The following RCOR1 variants were observed in gnomAD, a reference collection of about 807,000 sequenced individuals.
RCOR1 encodes the protein REST corepressor 1, also known as REST corepressor.
In RCOR1, 12 loss-of-function variants were observed where a neutral mutation model predicts 64.0. That is an observed-to-expected ratio of 0.19 (90% CI 0.12 to 0.30). The LOEUF is 0.30. Among genes scored for constraint, RCOR1 ranks in the 10% least tolerant of loss-of-function variants. The probability of loss-of-function intolerance (pLI) is 1.00; values close to 1 mark genes in which losing one functional copy is unlikely to be tolerated. For synonymous variants in RCOR1, 279 were observed against 227.2 expected (o/e 1.23, Z -2.05); for missense variants, 502 against 621.2 (o/e 0.81, Z 2.04).
Position 102,592,858 on chromosome 14 carries a change from C to A in RCOR1, c.-29C>A. 8.5e-7 allele frequency: 1 copy of A among 1,183,052 alleles called. No individual in the cohort carries two copies. The highest frequency in any genetic ancestry group is 1.0e-6 in the Non-Finnish European group (1 of 959,010). 73.3% of individuals were successfully genotyped at this position (1,183,052 alleles called of 1,614,324 possible). On this transcript the variant is annotated 5_prime_UTR_variant, in exon 1 of 12. Coordinates refer to ENST00000262241, the MANE Select transcript of RCOR1 (RefSeq NM_015156.4). ...CCTCCTCAGGAGCCGCGGGTCCCCGCCACTTTCGCACGGCCCCGGCCCCCG... is the reference window on the plus strand; with the variant it reads ...CCTCCTCAGGAGCCGCGGGTCCCCGACACTTTCGCACGGCCCCGGCCCCCG...
chr14:102,681,897 A>G lies in RCOR1; in HGVS notation c.364A>G (p.Lys122Glu). 6.2e-7 allele frequency: 1 copy of G among 1,612,790 alleles called. No homozygotes were observed. The highest frequency in any genetic ancestry group is 1.1e-5 in the South Asian group (1 of 90,920). Reference sequence around the variant, plus strand: ...TTTTCTTTTTTCTTTCTCCCAAGCCAAACTGGCAAGACGCAGTCAAGAACG... The same window carrying G: ...TTTTCTTTTTTCTTTCTCCCAAGCCGAACTGGCAAGACGCAGTCAAGAACG... ...QAVVPDFDPA[K>E]LARRSQERDN... The change falls in exon 3 of 12, where the codon AAA becomes GAA. Residue 122 changes from lysine (K) to glutamate (E), a missense_variant and splice_region_variant. This residue lies in a region of RCOR1 where 242 missense variants were observed against 204.9 expected (regional missense o/e 1.18). Transcript: ENST00000262241.
At chr14:102,598,937 A>G (rs780888493) in intron 2 of RCOR1, among the ~76,000 whole-genome samples, 2 of 151,682 alleles carry the variant, frequency 1.3e-5, no homozygotes, top group Non-Finnish European at 2.9e-5. Context: ...TTGTTCTTAC[A>G]TGTGTTGTCC....
intron 2 of RCOR1, among the ~76,000 whole-genome samples, chr14:102,620,269 T>C (rs1460200686): frequency 6.6e-6 from 1 of 150,692 alleles, no homozygotes; most frequent in African/African-American, 2.4e-5. Flanking sequence ...ACACCCACCA[T>C]GAAAAAAATT....
In RCOR1 at chr14:102,701,392, T is replaced by C. The variant is rs1227230720; in HGVS notation, c.498+62T>C. 37 of 1,296,092 alleles carry C rather than the reference T, an allele frequency of 2.9e-5. 1 individual carries two copies. In the South Asian group the frequency reaches 3.5e-4, roughly 12 times the overall value. The allele number at this position is 1,296,092 out of a possible 1,614,324, so 80.3% of individuals were successfully genotyped here. A position where few individuals can be genotyped will look rare whatever the true frequency, so the allele number is the denominator to read the frequency against. On this transcript the variant is annotated intron_variant, in intron 4 of 11. Coordinates refer to ENST00000262241, the MANE Select transcript of RCOR1 (RefSeq NM_015156.4). ...ATGAGTATTTGTAACTAAATAATTATATTTTTTTCTTCTTTGTATTGAGTA... is the reference window on the plus strand; with the variant it reads ...ATGAGTATTTGTAACTAAATAATTACATTTTTTTCTTCTTTGTATTGAGTA...
intron 2 of RCOR1, among the ~76,000 whole-genome samples, chr14:102,626,476 C>T (rs575641770): frequency 6.6e-6 from 1 of 152,326 alleles, no homozygotes; most frequent in South Asian, 2.1e-4. Flanking sequence ...AATCATGGCA[C>T]CTCTCAGAAT....
intron 2 of RCOR1, among the ~76,000 whole-genome samples, chr14:102,628,381 A>G (rs768136945): frequency 3.3e-5 from 5 of 152,144 alleles, no homozygotes; most frequent in Non-Finnish European, 7.4e-5. Flanking sequence ...TTCACTTGAC[A>G]TTTAGAACAG....
chr14:102,654,925 C>T (rs910207135), intron 2 of RCOR1, among the ~76,000 whole-genome samples: 1 of 150,584 alleles, frequency 6.6e-6, no homozygotes. Flanking sequence ...CCTCCTGTCT[C>T]AGTCTCCCAA....
chr14:102,614,934 C>T (rs2403069), intron 2 of RCOR1, among the ~76,000 whole-genome samples: 97,140 of 150,666 alleles, frequency 0.64, 32,158 homozygotes, highest in South Asian at 0.73. Flanking sequence ...CGGGTTCATA[C>T]CATTCTCCTG....
chr14:102,641,765 T>G (rs1041979701), intron 2 of RCOR1, among the ~76,000 whole-genome samples: 2 of 152,234 alleles, frequency 1.3e-5, no homozygotes, highest in Admixed American at 6.5e-5. Flanking sequence ...CTAACATGTA[T>G]GCTTCAAGAA....
chr14:102,685,659 A>G (rs569475809), intron 3 of RCOR1, among the ~76,000 whole-genome samples: 2 of 152,176 alleles, frequency 1.3e-5, no homozygotes, highest in South Asian at 2.1e-4. Context: ...TGAATTGTAC[A>G]TTTCAGAATA....
At chr14:102,684,365 G>A (rs1439404128) in intron 3 of RCOR1, among the ~76,000 whole-genome samples, 1 of 152,198 alleles carries the variant, frequency 6.6e-6, no homozygotes, top group Non-Finnish European at 1.5e-5. Flanking sequence ...TAGGGTGGAA[G>A]GGCCTTGGGG....
At chr14:102,654,819 C>CT (rs146480116) in intron 2 of RCOR1, among the ~76,000 whole-genome samples, 17,983 of 114,964 alleles carry the variant, frequency 0.16, 1,642 homozygotes, top group African/African-American at 0.27. Context: ...TGTTCTTTTC[C>CT]TTTTTTTTTG....
At chr14:102,642,161 T>C (rs910748118) in intron 2 of RCOR1, among the ~76,000 whole-genome samples, 1 of 152,186 alleles carries the variant, frequency 6.6e-6, no homozygotes, top group Non-Finnish European at 1.5e-5. Flanking sequence ...CAGCTGCGTC[T>C]GTGTCCATTG....
intron 2 of RCOR1, chr14:102,651,124 A>G: frequency 3.1e-6 from 3 of 978,550 alleles, no homozygotes; most frequent in Non-Finnish European, 3.6e-6. Flanking sequence ...TGCTGAGACC[A>G]GCTCGGTCGG....
At chr14:102,689,769 A>G (rs1895495420) in intron 3 of RCOR1, among the ~76,000 whole-genome samples, 1 of 152,196 alleles carries the variant, frequency 6.6e-6, no homozygotes, top group Non-Finnish European at 1.5e-5. Context: ...TTTGAGACAG[A>G]GTCTCGCACT....
intron 4 of RCOR1, among the ~76,000 whole-genome samples, chr14:102,704,959 T>TA (rs201884750): frequency 0.019 from 2,862 of 151,908 alleles, 38 homozygotes; most frequent in African/African-American, 0.026. Flanking sequence ...ACCTCATCTC[T>TA]AAAAAAAAGT....
chr14:102,594,581 AATTT>A (rs779263062), intron 2 of RCOR1, among the ~76,000 whole-genome samples: 6 of 152,028 alleles, frequency 3.9e-5, no homozygotes, highest in Non-Finnish European at 8.8e-5. Flanking sequence ...AAATCTGTTA[AATTT>A]ATTTGTCTAA....
At chr14:102,621,893 A>G (rs1893880940) in intron 2 of RCOR1, among the ~76,000 whole-genome samples, 1 of 152,060 alleles carries the variant, frequency 6.6e-6, no homozygotes, top group South Asian at 2.1e-4. Flanking sequence ...GCAAGGTGGG[A>G]TGGTCTTCAG....
At chr14:102,685,813 G>A (rs1377424907) in intron 3 of RCOR1, among the ~76,000 whole-genome samples, 1 of 152,090 alleles carries the variant, frequency 6.6e-6, no homozygotes, top group Non-Finnish European at 1.5e-5. Flanking sequence ...AAGTCCAAAA[G>A]TTAGCTGGGT....
Sources: allele counts gnomAD v4.1 joint callset (sites outside exome capture counted in the v4.1 genomes callset), GRCh38; gene constraint gnomAD v4.1.1; regional missense constraint gnomAD v4.1.1; transcripts MANE v1.5; gene names NCBI Gene and HGNC (gene_info 2026-07-23, HGNC 2026-07-21).